The following FMNL3 variants were observed in gnomAD, a reference collection of about 807,000 sequenced individuals.
The protein encoded by FMNL3 is formin like 3, also known as formin-like protein 3.
A neutral mutation model predicts 119.6 loss-of-function variants in FMNL3; 57 were observed. The observed-to-expected ratio is 0.48, with a 90% confidence interval of 0.39 to 0.59. The LOEUF is 0.59. FMNL3 is among the 20% of genes least tolerant of loss of function. FMNL3 has a pLI of 0.00. For missense variants in FMNL3, 1,053 were observed against 1,323.5 expected (o/e 0.80, Z 3.17); for synonymous variants, 491 against 507.3 (o/e 0.97, Z 0.43).
Position 49,640,328 on chromosome 12 carries a change from GAGATTGCGAGGGAGTAC to G in FMNL3, c.*5470_*5486del, listed in dbSNP as rs1301956376. The G allele has an allele frequency of 6.6e-6, 1 of 152,242 alleles. No homozygotes were observed. The highest frequency in any genetic ancestry group is 1.5e-5 in the Non-Finnish European group (1 of 68,050). 9.4% of individuals were successfully genotyped at this position (152,242 alleles called of 1,614,324 possible). On this transcript the variant is annotated 3_prime_UTR_variant, in exon 26 of 26. Transcript: ENST00000335154. ...TTGAAAATCAGGAGAGATGAAGGAT[GAGATTGCGAGGGAGTAC>G]AGATTGGGTAGTGAAAGAGGACTAA...
chr12:49,650,551 G>C, intron 17 of FMNL3, 125 bp downstream of exon 17: 1 of 1,080,538 alleles, frequency 9.3e-7, no homozygotes, highest in Non-Finnish European at 1.4e-6. Context: ...CAAGCCAGTG[G>C]ATGACTAGGG....
rs1943121703 is a variant in FMNL3, at chr12:49,645,119, A to AC, written c.*695_*696insG. 1 of 151,712 alleles carries AC rather than the reference A, an allele frequency of 6.6e-6. No homozygotes were observed. Among genetic ancestry groups the AC allele is most frequent in the Non-Finnish European group, 1.5e-5 (1 of 67,952 alleles). 9.4% of individuals were successfully genotyped at this position (151,712 alleles called of 1,614,324 possible). A position where few individuals can be genotyped will look rare whatever the true frequency, so the allele number is the denominator to read the frequency against. On this transcript the variant is annotated 3_prime_UTR_variant, in exon 26 of 26. Coordinates refer to ENST00000335154, the MANE Select transcript of FMNL3 (RefSeq NM_175736.5). ...TGTCCCCTGCCAAAAAAAAAAAAAA[A>AC]AAAAAAAAAACCGTAGCTGAGGAAA...
chr12:49,654,759 G>T lies in FMNL3; in HGVS notation c.960+151C>A, dbSNP rs76173165. 1.4e-5 allele frequency: 10 copies of T among 724,048 alleles called. No homozygotes were observed. In the East Asian group the frequency reaches 2.6e-4, roughly 19 times the overall value. 44.9% of individuals were successfully genotyped at this position (724,048 alleles called of 1,614,324 possible). ...CCTGAAGTTTCTAAGAGCTCTCTGG[G>T]GTAGGCAGGTGGACAAGAAGCATTT... On this transcript the variant is annotated intron_variant, in intron 10 of 25. Coordinates refer to ENST00000335154, the MANE Select transcript of FMNL3 (RefSeq NM_175736.5).
chr12:49,659,708 C>G, intron 5 of FMNL3: 4 of 947,488 alleles, frequency 4.2e-6, no homozygotes, highest in Middle Eastern at 5.4e-4. Context: ...GCCACTGCAC[C>G]CAGCGACCGT....
chr12:49,646,631 C>A, intron 25 of FMNL3: 1 of 1,516,700 alleles, frequency 6.6e-7, no homozygotes, highest in East Asian at 2.5e-5. Flanking sequence ...AGCTGCGGTG[C>A]CCAGTACCTG....
intron 1 of FMNL3, among the ~76,000 whole-genome samples, chr12:49,670,900 T>A (rs1476008260): frequency 6.6e-6 from 1 of 152,240 alleles, no homozygotes; most frequent in African/African-American, 2.4e-5. Flanking sequence ...GCCAGGCTGC[T>A]GCCAGATGAA....
In FMNL3 at chr12:49,646,982, G is replaced by C; in HGVS notation, c.2899C>G (p.Gln967Glu). 1 of 1,614,010 alleles carries C rather than the reference G, an allele frequency of 6.2e-7. No homozygotes were observed. The highest frequency in any genetic ancestry group is 1.3e-5 in the African/African-American group (1 of 74,930). The change falls in exon 25 of 26, where the codon CAG (glutamine) becomes GAG (glutamate). Residue 967 changes from glutamine (Q) to glutamate (E), a missense_variant. Gln to Glu is a conservative substitution (Grantham distance 29, BLOSUM62 2). This residue lies in a region of FMNL3 where 324 missense variants were observed against 380.9 expected (regional missense o/e 0.85). Transcript: ENST00000335154. Reference sequence around the variant, plus strand: ...CTCAACTCTGCTATTAACTCCTGCTGTTGCCACTTGTTCCGCTGGGATGGG... The same window carrying C: ...CTCAACTCTGCTATTAACTCCTGCTCTTGCCACTTGTTCCGCTGGGATGGG... The part of the protein sequence containing the change: ...KTPSQRNKWQ[Q>E]QELIAELRRR...
At chr12:49,665,442 T>C (rs921071604) in intron 4 of FMNL3, among the ~76,000 whole-genome samples, 1 of 152,202 alleles carries the variant, frequency 6.6e-6, no homozygotes, top group Non-Finnish European at 1.5e-5. Context: ...AGTCACCGAA[T>C]GGGAACTAGG....
chr12:49,664,878 T>A (rs1387815210), intron 4 of FMNL3, among the ~76,000 whole-genome samples: 5 of 152,120 alleles, frequency 3.3e-5, no homozygotes, highest in Non-Finnish European at 7.4e-5. Context: ...GAAAGGCTAA[T>A]GATGTCATTT....
In FMNL3 at chr12:49,636,550, T is replaced by G; in HGVS notation, c.*9265A>C. On this transcript the variant is annotated 3_prime_UTR_variant, in exon 26 of 26. Transcript: ENST00000335154. ...CAATTAATGATCCCCTCTTAAGAAC[T>G]ACCATTGCAGTGGCTGCTCCCACAG... is the stretch of plus-strand genomic sequence containing the variant. 1 of 711,866 alleles carries G rather than the reference T, an allele frequency of 1.4e-6. No homozygotes were observed. Among genetic ancestry groups the G allele is most frequent in the Non-Finnish European group, 2.3e-6 (1 of 427,968 alleles). 44.1% of individuals were successfully genotyped at this position (711,866 alleles called of 1,614,324 possible).
At chr12:49,702,764 A>G (rs1044587389) in intron 1 of FMNL3, among the ~76,000 whole-genome samples, 1 of 152,196 alleles carries the variant, frequency 6.6e-6, no homozygotes, top group African/African-American at 2.4e-5. Context: ...TCCTCTGACC[A>G]GCTGCTGTGA....
chr12:49,691,470 A>G (rs1393446689), intron 1 of FMNL3, among the ~76,000 whole-genome samples: 1 of 152,156 alleles, frequency 6.6e-6, no homozygotes, highest in Non-Finnish European at 1.5e-5. Flanking sequence ...TGCAGCTTTC[A>G]CTGGCCTGGA....
At chr12:49,652,771 CAA>C (rs1565869828) in intron 13 of FMNL3, among the ~76,000 whole-genome samples, 1 of 152,116 alleles carries the variant, frequency 6.6e-6, no homozygotes, top group Non-Finnish European at 1.5e-5. Context: ...TTATAATGAA[CAA>C]AAAGTCAGGA....
In FMNL3 at chr12:49,641,811, A is replaced by G. The variant is rs1193892521; in HGVS notation, c.*4004T>C. ...AGTCCTGTGGATCTCTTCCAGAGGC[A>G]AGGGCCTTCTTGACCATCTGTAATG... On this transcript the variant is annotated 3_prime_UTR_variant, in exon 26 of 26. Coordinates refer to ENST00000335154, the MANE Select transcript of FMNL3 (RefSeq NM_175736.5). 1 of 976,534 alleles carries G rather than the reference A, an allele frequency of 1.0e-6. No individual in the cohort carries two copies. The highest frequency in any genetic ancestry group is 2.4e-5 in the East Asian group (1 of 41,746). 60.5% of individuals were successfully genotyped at this position (976,534 alleles called of 1,614,324 possible).
At chr12:49,653,442 C>T (rs1943470963) in intron 12 of FMNL3, 115 bp from the exon 13 acceptor site, 2 of 1,082,320 alleles carry the variant, frequency 1.8e-6, no homozygotes, top group Non-Finnish European at 1.4e-6. Flanking sequence ...ACAAAGGCAG[C>T]TTAGTCAGGT....
In FMNL3 at chr12:49,642,044, G is replaced by A. The variant is rs779567676; in HGVS notation, c.*3771C>T. 1.5e-5 allele frequency: 24 copies of A among 1,608,312 alleles called. No individual in the cohort carries two copies. The highest frequency in any genetic ancestry group is 8.8e-5 in the South Asian group (8 of 91,038). ...AATAGTGTGAGGGGCTGGGCGGGGC[G>A]TGGGAAGTTCTCTAATTCATCTGTG... On this transcript the variant is annotated 3_prime_UTR_variant, in exon 26 of 26. Coordinates refer to ENST00000335154, the MANE Select transcript of FMNL3 (RefSeq NM_175736.5). This position sits in a 1 kb window ranked among gnomAD's most constrained non-coding sequence, Gnocchi z 5.8.
At chr12:49,669,776 G>A (rs1271801721) in intron 1 of FMNL3, among the ~76,000 whole-genome samples, 1 of 152,106 alleles carries the variant, frequency 6.6e-6, no homozygotes, top group African/African-American at 2.4e-5. Flanking sequence ...AGGTTGCAGT[G>A]AGCCAAGATC....
intron 1 of FMNL3, among the ~76,000 whole-genome samples, chr12:49,675,817 C>G (rs550804488): frequency 1.3e-5 from 2 of 152,190 alleles, no homozygotes; most frequent in Non-Finnish European, 2.9e-5. Flanking sequence ...ATGAGAAAAC[C>G]TGAGCTCCTT....
chr12:49,642,447 C>T lies in FMNL3; in HGVS notation c.*3368G>A. ...GTGCTTCACCACTGAGGGCCCACCC[C>T]AGTCACGTCACAGCCCTGGGCCAGC... On this transcript the variant is annotated 3_prime_UTR_variant, in exon 26 of 26. Coordinates refer to ENST00000335154, the MANE Select transcript of FMNL3 (RefSeq NM_175736.5). This position sits in a 1 kb window ranked among gnomAD's most constrained non-coding sequence, Gnocchi z 5.8. The T allele has an allele frequency of 1.3e-6, 2 of 1,580,248 alleles. No homozygotes were observed.
Sources: gnomAD v4.1 joint callset for allele counts (sites outside exome capture counted in the v4.1 genomes callset) on GRCh38, gnomAD v4.1.1 for gene constraint, gnomAD v4.1.1 regional missense constraint, Gnocchi (gnomAD v3.1) non-coding constraint, MANE v1.5 for transcripts, NCBI Gene and HGNC (gene_info 2026-07-23, HGNC 2026-07-21) for gene names.